The following SELENOM variants were observed in gnomAD, a reference collection of about 807,000 sequenced individuals.
The protein encoded by SELENOM is selenoprotein M.
SELENOM carries 17 observed loss-of-function variants against 14.5 expected under a neutral mutation model. That is an observed-to-expected ratio of 1.17 (90% CI 0.80 to 1.76). The LOEUF is 1.76. Ranked by LOEUF, SELENOM falls within the 40% of genes most tolerant of loss-of-function variation. The pLI is 0.00. For missense variants in SELENOM, 230 were observed against 204.6 expected, an observed-to-expected ratio of 1.12 and a Z score of -0.76; for synonymous variants, 102 against 93.3, an observed-to-expected ratio of 1.09 and a Z score of -0.54.
chr22:31,106,426 G>A, intron 1 of SELENOM: 1 of 182,578 alleles, frequency 5.5e-6, no homozygotes, highest in Non-Finnish European at 1.2e-5. Context: ...CTCTACACAG[G>A]CAGACCTCAC....
Position 31,107,537 on chromosome 22 carries a change from G to A in SELENOM, c.-32C>T, listed in dbSNP as rs749639676. The A allele has an allele frequency of 5.7e-5, 86 of 1,509,530 alleles. No homozygotes were observed. The African/African-American group carries it at 1.2e-3, about 20-fold the overall frequency. The allele number at this position is 1,509,530 out of a possible 1,614,324, so 93.5% of individuals were successfully genotyped here. A position where few individuals can be genotyped will look rare whatever the true frequency, so the allele number is the denominator to read the frequency against. ...CCGGCCGCAGATGATGCGCAAGCTG[G>A]AGGCGAACCTCCGAGTCGCTGCGCC... is the stretch of plus-strand genomic sequence containing the variant. On this transcript the variant is annotated 5_prime_UTR_variant, in exon 1 of 5. Coordinates refer to ENST00000400299, the MANE Select transcript of SELENOM (RefSeq NM_080430.4).
intron 1 of SELENOM, 94 bp from the exon 2 acceptor site, chr22:31,106,059 G>A: frequency 2.5e-6 from 3 of 1,190,690 alleles, no homozygotes; most frequent in Middle Eastern, 1.9e-4. Flanking sequence ...GAGTTGGGTC[G>A]GGCTGTGAGT....
At position 31,105,227 on chromosome 22, in the gene SELENOM, C is replaced by G; in HGVS notation, c.260G>C (p.Arg87Pro). Residue 87 changes from arginine (R) to proline (P), a missense_variant, in exon 4 of 5, where the codon CGC (arginine) becomes CCC (proline). Transcript: ENST00000400299. The part of the protein sequence containing the change: ...GADPELVLLG[R>P]RYEELERIPL... ...CCTCACCTCTAGTTCCTCGTAGCGG[C>G]GGCCCAGCAGCACGAGCTCAGGGTC... 6.2e-7 allele frequency: 1 copy of G among 1,613,202 alleles called. No individual in the cohort carries two copies. Among genetic ancestry groups the G allele is most frequent in the Non-Finnish European group, 8.5e-7 (1 of 1,179,666 alleles).
At position 31,104,847 on chromosome 22, in the gene SELENOM, A is replaced by G. The variant is rs1184828242; in HGVS notation, c.*123T>C. On this transcript the variant is annotated 3_prime_UTR_variant, in exon 5 of 5. Coordinates refer to ENST00000400299, the MANE Select transcript of SELENOM (RefSeq NM_080430.4). ...GGGTTGGGAGAACCTCCCCAACCCCATCCCTGCTGGCCCGGGGACGGGCAT... is the reference window on the plus strand; with the variant it reads ...GGGTTGGGAGAACCTCCCCAACCCCGTCCCTGCTGGCCCGGGGACGGGCAT... The G allele has an allele frequency of 2.8e-6, 3 of 1,057,378 alleles. No homozygotes were observed. The highest frequency in any genetic ancestry group is 6.7e-5 in the East Asian group (2 of 29,752). The allele number at this position is 1,057,378 out of a possible 1,614,324, so 65.5% of individuals were successfully genotyped here. A position where few individuals can be genotyped will look rare whatever the true frequency, so the allele number is the denominator to read the frequency against.
intron 1 of SELENOM, 113 bp from the exon 2 acceptor site, chr22:31,106,078 G>T: frequency 2.2e-6 from 2 of 928,354 alleles, no homozygotes; most frequent in Non-Finnish European, 3.5e-6. Context: ...GTTATCCCCG[G>T]ATCAGCAGTT....
At chr22:31,106,574 C>T (rs772463507) in intron 1 of SELENOM, 104 of 160,698 alleles carry the variant, frequency 6.5e-4, no homozygotes, top group Non-Finnish European at 9.8e-4. Context: ...ACCACCCACT[C>T]CAGCCCTCCT....
Position 31,105,035 on chromosome 22 carries a change from G to A in SELENOM, c.373C>T (p.Pro125Ser). The change falls in exon 5 of 5, where the codon CCC becomes TCC. Residue 125 changes from proline to serine, a missense_variant. Pro to Ser is a moderately conservative substitution (Grantham distance 74). Transcript: ENST00000400299. The stretch of plus-strand genomic sequence containing the variant: ...GCGGGCGCCCACACGTACTCGGGGG[G>A]CACCTGCGCGTCGGGCGCCGCCTTG... Reference protein sequence around the residue: ...YRKAAPDAQVPPEYVWAPAKP... With the variant: ...YRKAAPDAQVSPEYVWAPAKP... 1.9e-6 allele frequency: 3 copies of A among 1,611,428 alleles called. No individual in the cohort carries two copies. Among genetic ancestry groups the A allele is most frequent in the African/African-American group, 2.7e-5 (2 of 74,936 alleles).
Position 31,107,382 on chromosome 22 carries a change from C to A in SELENOM, c.124G>T (p.Val42Leu). 1 of 1,594,794 alleles carries A rather than the reference C, an allele frequency of 6.3e-7. No homozygotes were observed. Among genetic ancestry groups the A allele is most frequent in the Non-Finnish European group, 8.5e-7 (1 of 1,172,740 alleles). ...NRLSGLTRARVETCGGUQLNR... is the reference protein window; with the variant it reads ...NRLSGLTRARLETCGGUQLNR... ...CTGGAGGCCGGCGTACTCACCTCTA[C>A]CCGGGCGCGGGTTAGGCCGCTCAGA... The change falls in exon 1 of 5, where the codon GTA (valine) becomes TTA (leucine). Residue 42 changes from valine to leucine, a missense_variant. By Grantham distance (32) the Val-to-Leu change is conservative. Coordinates refer to ENST00000400299, the MANE Select transcript of SELENOM (RefSeq NM_080430.4).
intron 1 of SELENOM, chr22:31,106,293 A>C (rs2044404891): frequency 2.3e-6 from 1 of 425,706 alleles, no homozygotes; most frequent in Admixed American, 3.7e-5. Context: ...TGCTCCTCTT[A>C]AGCAGTAGAG....
At position 31,105,264 on chromosome 22, in the gene SELENOM, G is replaced by T. The variant is rs757928410; in HGVS notation, c.223C>A (p.Leu75Ile). The stretch of plus-strand genomic sequence containing the variant: ...ACGAGCTCAGGGTCGGCCCCAGGGA[G>T]GTGTTTCATCACCAGGTTGTGACTG... ...PFYHNLVMKH[L>I]PGADPELVLL... Residue 75 changes from leucine to isoleucine, a missense_variant, in exon 4 of 5, where the codon CTC becomes ATC. Coordinates refer to ENST00000400299, the MANE Select transcript of SELENOM (RefSeq NM_080430.4). The T allele has an allele frequency of 3.1e-6, 5 of 1,612,486 alleles. No individual in the cohort carries two copies. Among genetic ancestry groups the T allele is most frequent in the Non-Finnish European group, 3.4e-6 (4 of 1,179,466 alleles).
chr22:31,107,352 C>G (rs1204258327), intron 1 of SELENOM, 25 bp downstream of exon 1: 3 of 1,584,356 alleles, frequency 1.9e-6, no homozygotes, highest in Non-Finnish European at 1.7e-6. Flanking sequence ...ACGATAGTGC[C>G]GGGGCTGGAG....
chr22:31,107,467 A>C lies in SELENOM; in HGVS notation c.39T>G (p.Leu13=). Residue 13 remains leucine (L), a synonymous_variant, in exon 1 of 5, where the codon CTT becomes CTG. Transcript: ENST00000400299. ...LLLPPLALLL[L]LAALVAPATA... ...TGGCTGGGGCCACAAGCGCCGCGAG[A>C]AGCAGCAGCAGCGCCAGCGGAGGCA... The C allele has an allele frequency of 6.4e-7, 1 of 1,560,650 alleles. No individual in the cohort carries two copies. The highest frequency in any genetic ancestry group is 8.7e-7 in the Non-Finnish European group (1 of 1,155,208).
rs1395807860 is a variant in SELENOM, at chr22:31,105,955, C to G, written c.140G>C (p.Gly47Ala). 2 of 1,613,920 alleles carry G rather than the reference C, an allele frequency of 1.2e-6. No individual in the cohort carries two copies. The highest frequency in any genetic ancestry group is 1.3e-5 in the African/African-American group (1 of 74,924). Residue 47 changes from glycine (G) to alanine (A), a missense_variant, in exon 2 of 5, where the codon GGA becomes GCA. Gly to Ala is a moderately conservative substitution (Grantham distance 60, BLOSUM62 0). Transcript: ENST00000400299. Reference protein sequence around the residue: ...LTRARVETCGGUQLNRLKEVK... With the variant: ...LTRARVETCGAUQLNRLKEVK... Reference sequence around the variant, plus strand: ...CTCCTTTAGGCGGTTCAGCTGTCATCCCCCGCAGGTCTGGAGGGGGATAAA... The same window carrying G: ...CTCCTTTAGGCGGTTCAGCTGTCATGCCCCGCAGGTCTGGAGGGGGATAAA...
intron 4 of SELENOM, 30 bp downstream of exon 4, chr22:31,105,178 T>C (rs1183695430): frequency 6.2e-7 from 1 of 1,613,126 alleles, no homozygotes; most frequent in African/African-American, 1.3e-5. Flanking sequence ...GCCTCTGGCC[T>C]CGCCCCCAGC....
chr22:31,105,713 C>T, intron 2 of SELENOM, 21 bp from the exon 3 acceptor site: 1 of 1,613,898 alleles, frequency 6.2e-7, no homozygotes, highest in African/African-American at 1.3e-5. Flanking sequence ...ACCAGAGCAT[C>T]AGAGACCATG....
chr22:31,107,263 G>C, intron 1 of SELENOM, 114 bp downstream of exon 1: 2 of 1,308,268 alleles, frequency 1.5e-6, no homozygotes, highest in Admixed American at 2.7e-5. Flanking sequence ...GCGCCAGGGG[G>C]AAAGCAGGGA....
At chr22:31,105,502 C>T in intron 3 of SELENOM, 156 bp downstream of exon 3, 1 of 879,350 alleles carries the variant, frequency 1.1e-6, no homozygotes, top group East Asian at 2.4e-5. Flanking sequence ...ATCTCTCTTG[C>T]CCACCCAACA....
At position 31,107,485 on chromosome 22, in the gene SELENOM, C is replaced by T; in HGVS notation, c.21G>A (p.Pro7=). ...CCGCGAGAAGCAGCAGCAGCGCCAG[C>T]GGAGGCAACAGGAGGCTCATCGGGA... MSLLLP[P]LALLLLLAAL... Residue 7 remains proline (P), a synonymous_variant, in exon 1 of 5, where the codon CCG becomes CCA. Coordinates refer to ENST00000400299, the MANE Select transcript of SELENOM (RefSeq NM_080430.4). 2 of 1,556,152 alleles carry T rather than the reference C, an allele frequency of 1.3e-6. No individual in the cohort carries two copies. The highest frequency in any genetic ancestry group is 1.7e-6 in the Non-Finnish European group (2 of 1,152,968).
chr22:31,105,193 C>G lies in SELENOM; in HGVS notation c.279+15G>C. The G allele has an allele frequency of 6.2e-7, 1 of 1,613,170 alleles. No homozygotes were observed. Among genetic ancestry groups the G allele is most frequent in the Non-Finnish European group, 8.5e-7 (1 of 1,179,602 alleles). On this transcript the variant is annotated intron_variant, in intron 4 of 4. Coordinates refer to ENST00000400299, the MANE Select transcript of SELENOM (RefSeq NM_080430.4). ...GCCTCTGGCCTCGCCCCCAGCCCAC[C>G]TCCCACGGCCTCACCTCTAGTTCCT...
Sources: allele counts gnomAD v4.1 joint callset, GRCh38; gene constraint gnomAD v4.1.1; transcripts MANE v1.5; gene names NCBI Gene and HGNC (gene_info 2026-07-23, HGNC 2026-07-21).